DAB1: variants seen among roughly 807,000 people sequenced by gnomAD.
DAB1 encodes the protein DAB adaptor protein 1.
DAB1 carries 15 observed loss-of-function variants against 64.6 expected under a neutral mutation model. The observed-to-expected ratio is 0.23, with a 90% CI of 0.16 to 0.36. The LOEUF (loss-of-function observed/expected upper bound fraction) is 0.36, where lower values mean the gene tolerates loss of function less well. Among genes scored for constraint, DAB1 ranks in the 10% least tolerant of loss-of-function variants. DAB1 has a pLI of 1.00. For missense variants in DAB1, 596 were observed against 706.7 expected (o/e 0.84, Z 1.78); for synonymous variants, 235 against 251.9 (o/e 0.93, Z 0.64).
At chr1:57,099,565 CT>C (rs1280874246) in intron 4 of DAB1, among the ~76,000 whole-genome samples, 2 of 152,154 alleles carry the variant, frequency 1.3e-5, no homozygotes, top group Non-Finnish European at 2.9e-5. Context: ...ATCCTTAGTA[CT>C]TCTGGGGTTC....
intron 2 of DAB1, among the ~76,000 whole-genome samples, chr1:57,224,767 G>A (rs866490253): frequency 3.9e-5 from 6 of 152,168 alleles, no homozygotes; most frequent in African/African-American, 7.2e-5. Flanking sequence ...TCTTTGTTAC[G>A]CTAATGAAGT....
chr1:57,897,526 T>C (rs1184005253), intron 5 of DAB1, among the ~76,000 whole-genome samples: 1 of 152,200 alleles, frequency 6.6e-6, no homozygotes, highest in Non-Finnish European at 1.5e-5. Flanking sequence ...TGGAGGCAGC[T>C]TCATGCCTTC....
At chr1:57,615,123 G>A (rs1553200496) in intron 7 of DAB1, among the ~76,000 whole-genome samples, 1 of 151,920 alleles carries the variant, frequency 6.6e-6, no homozygotes, top group Non-Finnish European at 1.5e-5. Flanking sequence ...ACCCGCCTCG[G>A]CCTCCCAAAG....
At chr1:58,446,257 C>T (rs150584271) in intron 3 of DAB1, among the ~76,000 whole-genome samples, 4 of 152,260 alleles carry the variant, frequency 2.6e-5, no homozygotes, top group African/African-American at 7.2e-5. Context: ...CAGCCCATTA[C>T]GTTACACAAA....
At chr1:57,626,005 A>G in intron 7 of DAB1, among the ~76,000 whole-genome samples, 1 of 152,226 alleles carries the variant, frequency 6.6e-6, no homozygotes, top group East Asian at 1.9e-4. Flanking sequence ...ACCTAAAGTA[A>G]TAGAAGAAAC....
chr1:57,695,471 T>C (rs1005789122), intron 6 of DAB1, among the ~76,000 whole-genome samples: 1 of 152,104 alleles, frequency 6.6e-6, no homozygotes, highest in African/African-American at 2.4e-5. Flanking sequence ...TGTATGTCTG[T>C]ATAACTGGTA....
chr1:57,530,595 G>A (rs1644651435), intron 7 of DAB1, among the ~76,000 whole-genome samples: 1 of 152,262 alleles, frequency 6.6e-6, no homozygotes, highest in African/African-American at 2.4e-5. Flanking sequence ...GTCCACACAT[G>A]ACTAGAGGGA....
At chr1:57,759,407 A>C (rs536856682) in intron 6 of DAB1, among the ~76,000 whole-genome samples, 3 of 152,324 alleles carry the variant, frequency 2.0e-5, no homozygotes, top group African/African-American at 7.2e-5. Context: ...AAAGAGCTTA[A>C]TTATGTGCAT....
intron 6 of DAB1, among the ~76,000 whole-genome samples, chr1:57,711,079 C>A (rs1473126804): frequency 3.3e-5 from 5 of 152,176 alleles, no homozygotes; most frequent in Non-Finnish European, 5.9e-5. Context: ...TGTCTTGTGA[C>A]CTCAGGAATA....
At chr1:57,820,971 A>G (rs1453001878) in intron 6 of DAB1, among the ~76,000 whole-genome samples, 5 of 152,202 alleles carry the variant, frequency 3.3e-5, no homozygotes. Context: ...TAAGTACTTT[A>G]CAGCTTTTCC....
At chr1:57,282,713 T>C (rs1008309616) in intron 2 of DAB1, among the ~76,000 whole-genome samples, 3 of 152,140 alleles carry the variant, frequency 2.0e-5, no homozygotes, top group Admixed American at 6.5e-5. Context: ...CCCAAAACAT[T>C]ACTCTCTGCC....
chr1:57,997,794 G>A (rs183338070), intron 5 of DAB1, among the ~76,000 whole-genome samples: 146 of 151,956 alleles, frequency 9.6e-4, no homozygotes, highest in Non-Finnish European at 1.1e-3. Flanking sequence ...TAACAACCTC[G>A]TTGCTGCTGA....
At position 57,390,351 on chromosome 1, in the gene DAB1, C is replaced by T. The variant is rs193008835; in HGVS notation, c.-137+33579G>A. 1.7e-3 allele frequency among the ~76,000 whole-genome samples: 255 copies of T among 152,318 alleles called. 1 individual carries two copies. Among genetic ancestry groups the T allele is most frequent in the Admixed American group, 2.5e-3 (39 of 15,298 alleles). On this transcript the variant is annotated intron_variant, in intron 1 of 14. Coordinates refer to ENST00000371236, the MANE Select transcript of DAB1 (RefSeq NM_001365792.1). ...CCTGTAATGGAGATATTAACACCTGCCCTCATAGGGATACTCCTAAGTATA... is the reference window on the plus strand; with the variant it reads ...CCTGTAATGGAGATATTAACACCTGTCCTCATAGGGATACTCCTAAGTATA...
At chr1:58,438,561 G>A (rs1480592777) in intron 3 of DAB1, among the ~76,000 whole-genome samples, 1 of 152,154 alleles carries the variant, frequency 6.6e-6, no homozygotes, top group East Asian at 1.9e-4. Context: ...CTGCCCTCAC[G>A]TTCTGGGATC....
At chr1:57,324,700 C>T (rs1182660747) in intron 1 of DAB1, among the ~76,000 whole-genome samples, 1 of 152,100 alleles carries the variant, frequency 6.6e-6, no homozygotes, top group Admixed American at 6.6e-5. Context: ...ACTAGCAGCC[C>T]CCACCCCACA....
At chr1:57,265,925 G>C (rs1670556490) in intron 2 of DAB1, among the ~76,000 whole-genome samples, 1 of 152,308 alleles carries the variant, frequency 6.6e-6, no homozygotes, top group Admixed American at 6.5e-5. Context: ...GAGGACTTCA[G>C]AAATAATTTC....
At chr1:57,971,492 G>T (rs1645795042) in intron 5 of DAB1, among the ~76,000 whole-genome samples, 1 of 152,184 alleles carries the variant, frequency 6.6e-6, no homozygotes, top group Non-Finnish European at 1.5e-5. Flanking sequence ...CTAGATTCCA[G>T]CCTCAGCAAT....
chr1:58,195,967 T>C (rs534118879), intron 4 of DAB1, among the ~76,000 whole-genome samples: 3 of 152,288 alleles, frequency 2.0e-5, no homozygotes, highest in African/African-American at 4.8e-5. Context: ...TCAGAAACTA[T>C]CTGACTCCTT....
upstream of DAB1, among the ~76,000 whole-genome samples, chr1:57,426,698 G>A (rs955701611): frequency 2.0e-5 from 3 of 151,998 alleles, no homozygotes; most frequent in African/African-American, 7.2e-5. Flanking sequence ...CAGCCCATTG[G>A]GGAAGGCACT....
Sources: allele counts gnomAD v4.1 joint callset (sites outside exome capture counted in the v4.1 genomes callset), GRCh38; gene constraint gnomAD v4.1.1; transcripts MANE v1.5; gene names NCBI Gene and HGNC (gene_info 2026-07-23, HGNC 2026-07-21).